Variants in CACNA1S observed in about 807,000 individuals in gnomAD.
CACNA1S encodes calcium voltage-gated channel subunit alpha1 S, also known as voltage-dependent L-type calcium channel subunit alpha-1S.
In CACNA1S, 126 loss-of-function variants were observed where a neutral mutation model predicts 207.4. That is an observed-to-expected ratio of 0.61 (90% CI 0.53 to 0.70). The LOEUF (loss-of-function observed/expected upper bound fraction) is 0.70. Among genes scored for constraint, CACNA1S ranks in the 30% least tolerant of loss-of-function variants. CACNA1S has a pLI of 0.00. For synonymous variants in CACNA1S, 960 were observed against 932.7 expected, an observed-to-expected ratio of 1.03 and a Z score of -0.53; for missense variants, 2,349 against 2,422.8, an observed-to-expected ratio of 0.97 and a Z score of 0.64.
chr1:201,089,305 C>A lies in CACNA1S; in HGVS notation c.853G>T (p.Val285Leu), dbSNP rs770679071. The change falls in exon 6 of 44, where the codon GTG becomes TTG. Residue 285 changes from valine (V) to leucine (L), a missense_variant. Transcript: ENST00000362061. ...CCCTCCATGGTAATGCACTGGTACA[C>A]GGTGAGCATGGAGAAGCCGAAGTTG... is the stretch of plus-strand genomic sequence containing the variant. ...FDNFGFSMLTVYQCITMEGWT... is the reference protein window; with the variant it reads ...FDNFGFSMLTLYQCITMEGWT... 6.2e-7 allele frequency: 1 copy of A among 1,614,136 alleles called. No homozygotes were observed. The highest frequency in any genetic ancestry group is 8.5e-7 in the Non-Finnish European group (1 of 1,180,060).
intron 2 of CACNA1S, among the ~76,000 whole-genome samples, chr1:201,100,922 T>C (rs980021346): frequency 1.3e-5 from 2 of 152,050 alleles, no homozygotes; most frequent in African/African-American, 4.8e-5. Flanking sequence ...AGAAAAATAA[T>C]CATCACAGAT....
At chr1:201,049,958 C>T (rs1434164139) in intron 34 of CACNA1S, among the ~76,000 whole-genome samples, 2 of 152,146 alleles carry the variant, frequency 1.3e-5, no homozygotes, top group Non-Finnish European at 2.9e-5. Context: ...GAGCCGTGCT[C>T]TCCAAGCTTT....
At chr1:201,093,056 A>C (rs1183586986) in intron 3 of CACNA1S, among the ~76,000 whole-genome samples, 1 of 152,252 alleles carries the variant, frequency 6.6e-6, no homozygotes, top group East Asian at 1.9e-4. Context: ...ACATGTAAGC[A>C]CATATTAAGT....
intron 5 of CACNA1S, among the ~76,000 whole-genome samples, chr1:201,090,882 C>A (rs888401917): frequency 2.0e-5 from 3 of 152,218 alleles, no homozygotes; most frequent in African/African-American, 7.2e-5. Context: ...CCACTCTTCT[C>A]ACCAAATATT....
At chr1:201,069,247 C>A in intron 18 of CACNA1S, 51 bp from the exon 19 acceptor site, 2 of 1,539,732 alleles carry the variant, frequency 1.3e-6, no homozygotes, top group Non-Finnish European at 1.8e-6. Context: ...GAGGGGGCAA[C>A]AGTATCAGCA....
rs1661959122 is a variant in CACNA1S at position 201,084,478 on chromosome 1, GCCAA to G, written c.1232+468_1232+471del. Reference sequence around the variant, plus strand: ...AAGTATGAATTTGTAAAAGGAAACAGCCAACCAAATAAACAAACCCTCCTCTTAA... The same window carrying G: ...AAGTATGAATTTGTAAAAGGAAACAGCCAAATAAACAAACCCTCCTCTTAA... On this transcript the variant is annotated intron_variant, in intron 9 of 43. Coordinates refer to ENST00000362061, the MANE Select transcript of CACNA1S (RefSeq NM_000069.3). 4.6e-5 allele frequency among the ~76,000 whole-genome samples: 7 copies of G among 152,320 alleles called. No individual in the cohort carries two copies. The South Asian group carries it at 1.5e-3, about 32-fold the overall frequency.
rs946709988 is a variant in CACNA1S, at chr1:201,074,433, G to A, written c.2063+73C>T. 7 of 893,314 alleles carry A rather than the reference G, an allele frequency of 7.8e-6. No individual in the cohort carries two copies. In the African/African-American group the frequency reaches 1.1e-4, roughly 15 times the overall value. 55.3% of individuals were successfully genotyped at this position (893,314 alleles called of 1,614,324 possible). On this transcript the variant is annotated intron_variant, in intron 14 of 43. Transcript: ENST00000362061. ...ACCCTGATCATTGGGTTACAGGGAG[G>A]CCCTGTCCAGAGCTGGAAGGCCATG...
At chr1:201,052,672 C>T (rs1003180008) in intron 31 of CACNA1S, 24 bp from the exon 32 acceptor site, 2 of 1,578,208 alleles carry the variant, frequency 1.3e-6, no homozygotes, top group African/African-American at 1.3e-5. Context: ...AGGGCCCTGA[C>T]TGTGGAACCT....
At chr1:201,079,655 A>G (rs895461591) in intron 10 of CACNA1S, among the ~76,000 whole-genome samples, 2 of 149,506 alleles carry the variant, frequency 1.3e-5, no homozygotes, top group African/African-American at 4.9e-5. Context: ...CTTGACCTCA[A>G]ACTGGGGCCT....
chr1:201,051,559 A>T (rs1273697741), intron 32 of CACNA1S, among the ~76,000 whole-genome samples: 4 of 152,216 alleles, frequency 2.6e-5, no homozygotes, highest in Non-Finnish European at 5.9e-5. Flanking sequence ...TCACAAAAGC[A>T]GCCCTTAGAT....
intron 40 of CACNA1S, among the ~76,000 whole-genome samples, chr1:201,042,423 C>T (rs949521801): frequency 7.9e-5 from 12 of 152,250 alleles, no homozygotes; most frequent in Non-Finnish European, 1.3e-4. Context: ...CAGGCATGAG[C>T]CACCACTCCT....
chr1:201,065,563 G>A (rs144107133), intron 22 of CACNA1S, among the ~76,000 whole-genome samples: 1 of 152,342 alleles, frequency 6.6e-6, no homozygotes, highest in African/African-American at 2.4e-5. Flanking sequence ...TACCATTTCA[G>A]TAGTGTTAGA....
intron 36 of CACNA1S, 90 bp downstream of exon 36, chr1:201,048,492 G>A (rs892785855): frequency 3.6e-6 from 4 of 1,115,912 alleles, no homozygotes; most frequent in South Asian, 2.5e-5. Flanking sequence ...GTTCTTAAGA[G>A]CAATCTTGAG....
chr1:201,096,743 GTGTC>G (rs1662446628), intron 2 of CACNA1S, among the ~76,000 whole-genome samples: 1 of 152,206 alleles, frequency 6.6e-6, no homozygotes, highest in African/African-American at 2.4e-5. Flanking sequence ...CACCTTGTAA[GTGTC>G]TACCCCTGCC....
chr1:201,089,012 G>A (rs1234867576), intron 6 of CACNA1S, among the ~76,000 whole-genome samples: 3 of 152,194 alleles, frequency 2.0e-5, no homozygotes, highest in Non-Finnish European at 2.9e-5. Flanking sequence ...TTCTTCACCC[G>A]CCCCTTGGAT....
intron 29 of CACNA1S, 119 bp downstream of exon 29, chr1:201,054,386 G>A (rs1558058565): frequency 1.9e-6 from 2 of 1,055,202 alleles, no homozygotes; most frequent in Non-Finnish European, 2.9e-6. Flanking sequence ...GCCTGCCCTG[G>A]GGAGGGAGCC....
In CACNA1S at chr1:201,112,304, C is replaced by G; in HGVS notation, c.36G>C (p.Arg12Ser). ...GAACTGGCTTCTTGGGCTGTTTCTTCCTCAGGCCTTCATCCTGGGGTGAGG... is the reference window on the plus strand; with the variant it reads ...GAACTGGCTTCTTGGGCTGTTTCTTGCTCAGGCCTTCATCCTGGGGTGAGG... ...EPSSPQDEGL[R>S]KKQPKKPVPE... The change falls in exon 1 of 44, where the codon AGG becomes AGC. Residue 12 changes from arginine (R) to serine (S), a missense_variant. Transcript: ENST00000362061. 1 of 1,613,980 alleles carries G rather than the reference C, an allele frequency of 6.2e-7. No individual in the cohort carries two copies. Among genetic ancestry groups the G allele is most frequent in the Non-Finnish European group, 8.5e-7 (1 of 1,179,980 alleles).
At chr1:201,068,867 T>A (rs1661350129) in intron 19 of CACNA1S, among the ~76,000 whole-genome samples, 1 of 152,024 alleles carries the variant, frequency 6.6e-6, no homozygotes, top group African/African-American at 2.4e-5. Flanking sequence ...TGAGACGACA[T>A]CTAAAAAGAA....
At chr1:201,055,027 C>T (rs1660791864) in intron 28 of CACNA1S, among the ~76,000 whole-genome samples, 1 of 152,206 alleles carries the variant, frequency 6.6e-6, no homozygotes, top group Admixed American at 6.5e-5. Context: ...CACAGCTCCT[C>T]TGGGGGAGTC....
Sources: gnomAD v4.1 joint callset for allele counts (sites outside exome capture counted in the v4.1 genomes callset) on GRCh38, gnomAD v4.1.1 for gene constraint, MANE v1.5 for transcripts, NCBI Gene and HGNC (gene_info 2026-07-23, HGNC 2026-07-21) for gene names.